The following ARHGEF26 variants were observed in gnomAD, a reference collection of about 807,000 sequenced individuals.
The protein encoded by ARHGEF26 is Rho guanine nucleotide exchange factor 26.
A neutral mutation model predicts 89.4 loss-of-function variants in ARHGEF26; 59 were observed. The ratio of observed to expected loss-of-function variants is 0.66; its 90% CI spans 0.54 to 0.82. ARHGEF26 has a LOEUF of 0.82. Among genes scored for constraint, ARHGEF26 ranks in the 40% least tolerant of loss-of-function variants. ARHGEF26 has a pLI of 0.00. For synonymous variants in ARHGEF26, 500 were observed against 428.4 expected (o/e 1.17, Z -2.06); for missense variants, 1,234 against 1,085.6 (o/e 1.14, Z -1.92).
chr3:154,178,756 A>G (rs556888096), intron 6 of ARHGEF26, among the ~76,000 whole-genome samples: 1 of 152,234 alleles, frequency 6.6e-6, no homozygotes, highest in African/African-American at 2.4e-5. Flanking sequence ...GTGGAATTGA[A>G]GGGTCATATG....
intron 9 of ARHGEF26, among the ~76,000 whole-genome samples, chr3:154,197,369 G>A (rs1440201494): frequency 6.6e-6 from 1 of 152,196 alleles, no homozygotes; most frequent in East Asian, 1.9e-4. Flanking sequence ...AGCAGAAAGA[G>A]TATGCATAGA....
chr3:154,218,058 A>C, intron 10 of ARHGEF26, 100 bp downstream of exon 10: 1 of 1,103,418 alleles, frequency 9.1e-7, no homozygotes, highest in Non-Finnish European at 1.3e-6. Flanking sequence ...TTGCTTTTCA[A>C]AGAAGGGTCA....
chr3:154,229,864 T>C (rs1439080387), intron 11 of ARHGEF26, among the ~76,000 whole-genome samples: 4 of 152,188 alleles, frequency 2.6e-5, no homozygotes, highest in African/African-American at 7.2e-5. Context: ...AATAGTAATA[T>C]TGTATTATAA....
intron 9 of ARHGEF26, among the ~76,000 whole-genome samples, chr3:154,204,062 G>T (rs190572151): frequency 3.6e-4 from 54 of 152,080 alleles, no homozygotes; most frequent in Admixed American, 1.6e-3. Flanking sequence ...GAATAGGTGG[G>T]GTAGGGTTGG....
At position 154,217,934 on chromosome 3, in the gene ARHGEF26, C is replaced by T. The variant is rs757760241; in HGVS notation, c.1911C>T (p.Asn637=). The T allele has an allele frequency of 1.9e-6, 3 of 1,596,820 alleles. No individual in the cohort carries two copies. In the East Asian group the frequency reaches 6.7e-5, roughly 36 times the overall value. ...GGACTGAGATGATGTACACAATTAACTCCCAGCTGGAATTTAAAATTAAGG... is the reference window on the plus strand; with the variant it reads ...GGACTGAGATGATGTACACAATTAATTCCCAGCTGGAATTTAAAATTAAGG... ...MERTEMMYTI[N]SQLEFKIKPF... Residue 637 remains asparagine, a synonymous_variant, in exon 10 of 15, where the codon AAC becomes AAT. Coordinates refer to ENST00000465093, the MANE Select transcript of ARHGEF26 (RefSeq NM_015595.4).
intron 6 of ARHGEF26, among the ~76,000 whole-genome samples, chr3:154,183,872 G>T (rs1470126708): frequency 6.6e-6 from 1 of 152,090 alleles, no homozygotes; most frequent in African/African-American, 2.4e-5. Flanking sequence ...CTTCAGGCTG[G>T]TAACAGTGTA....
chr3:154,250,290 G>C (rs985202536), intron 12 of ARHGEF26, among the ~76,000 whole-genome samples: 1 of 152,146 alleles, frequency 6.6e-6, no homozygotes, highest in Non-Finnish European at 1.5e-5. Context: ...GCCTCCAAAA[G>C]TGCTGGGATT....
At chr3:154,124,614 G>A (rs1276273344) in intron 3 of ARHGEF26, among the ~76,000 whole-genome samples, 165 bp downstream of exon 3, 3 of 152,020 alleles carry the variant, frequency 2.0e-5, no homozygotes, top group Non-Finnish European at 2.9e-5. Flanking sequence ...TTTTTATCTA[G>A]TAATACTAAT....
At chr3:154,133,662 T>C (rs1718821353) in intron 4 of ARHGEF26, among the ~76,000 whole-genome samples, 1 of 152,084 alleles carries the variant, frequency 6.6e-6, no homozygotes, top group East Asian at 1.9e-4. Context: ...GGCTTTATTC[T>C]TTTGCTTAGG....
intron 6 of ARHGEF26, among the ~76,000 whole-genome samples, chr3:154,155,008 AT>A (rs761326795): frequency 2.0e-5 from 3 of 152,034 alleles, no homozygotes; most frequent in Non-Finnish European, 2.9e-5. Context: ...CTTCAAAGAA[AT>A]TGTACCATTT....
At chr3:154,244,206 T>G (rs1717652112) in intron 12 of ARHGEF26, among the ~76,000 whole-genome samples, 1 of 152,214 alleles carries the variant, frequency 6.6e-6, no homozygotes, top group South Asian at 2.1e-4. Flanking sequence ...AATCTTTACT[T>G]TCTTTGAAAA....
At chr3:154,124,373 T>TTTTTTTTTTTTTTTTTTTTTC in intron 2 of ARHGEF26, 37 bp from the exon 3 acceptor site, 1 of 171,842 alleles carries the variant, frequency 5.8e-6, no homozygotes, top group Non-Finnish European at 9.6e-6. Context: ...TTGCTTTTCC[T>TTTTTTTTTTTTTTTTTTTTTC]TTTTTTTTTT....
In ARHGEF26 at chr3:154,255,914, T is replaced by C. The variant is rs1240492612; in HGVS notation, c.*441T>C. On this transcript the variant is annotated 3_prime_UTR_variant, in exon 15 of 15. Coordinates refer to ENST00000465093, the MANE Select transcript of ARHGEF26 (RefSeq NM_015595.4). ...TGTAAAGAATGTCCAGTTTTGTAAA[T>C]ATTTCCCTGCCTTTTTTTTTCTTTT... 44 of 988,404 alleles carry C rather than the reference T, an allele frequency of 4.5e-5. No individual in the cohort carries two copies. Among genetic ancestry groups the C allele is most frequent in the Non-Finnish European group, 5.0e-5 (42 of 831,900 alleles). The allele number at this position is 988,404 out of a possible 1,614,324, so 61.2% of individuals were successfully genotyped here. A position where few individuals can be genotyped will look rare whatever the true frequency, so the allele number is the denominator to read the frequency against.
In ARHGEF26 at chr3:154,129,688, C is replaced by CATTGAA. The variant is rs768144199; in HGVS notation, c.1243_1244insAATTGA (p.Leu414_Arg415insLysLeu). 3 of 1,612,386 alleles carry CATTGAA rather than the reference C, an allele frequency of 1.9e-6. No homozygotes were observed. Among genetic ancestry groups the CATTGAA allele is most frequent in the Non-Finnish European group, 1.7e-6 (2 of 1,179,256 alleles). ...GAAAAAATTGTGATTCACCATAAGC[C>CATTGAA]ATTGAGATCCACATGGAGCCAACTC... is the stretch of plus-strand genomic sequence containing the variant. On this transcript the variant is annotated inframe_insertion, in exon 4 of 15. Transcript: ENST00000465093.
At chr3:154,140,950 C>G (rs996272884) in intron 4 of ARHGEF26, among the ~76,000 whole-genome samples, 1 of 141,950 alleles carries the variant, frequency 7.0e-6, no homozygotes, top group Middle Eastern at 3.6e-3. Flanking sequence ...CCTCAAGTCA[C>G]TCTTTCAGCT....
At chr3:154,178,152 T>C (rs1370376840) in intron 6 of ARHGEF26, among the ~76,000 whole-genome samples, 1 of 152,010 alleles carries the variant, frequency 6.6e-6, no homozygotes, top group Non-Finnish European at 1.5e-5. Flanking sequence ...TGCAGTGAGC[T>C]GAGACCATGC....
chr3:154,191,490 T>C, intron 8 of ARHGEF26, 72 bp downstream of exon 8: 1 of 1,513,398 alleles, frequency 6.6e-7, no homozygotes, highest in East Asian at 2.3e-5. Flanking sequence ...AAAATTATTA[T>C]TATTCCACTT....
chr3:154,228,344 T>A (rs1445092806), intron 11 of ARHGEF26, among the ~76,000 whole-genome samples: 1 of 151,910 alleles, frequency 6.6e-6, no homozygotes, highest in Non-Finnish European at 1.5e-5. Context: ...TCCATGTTTG[T>A]CAGGCTGGTC....
chr3:154,200,823 C>T (rs1714581824), intron 9 of ARHGEF26, among the ~76,000 whole-genome samples: 1 of 151,722 alleles, frequency 6.6e-6, no homozygotes, highest in South Asian at 2.1e-4. Flanking sequence ...TTGGTTAATT[C>T]CTAAGTACTT....
Sources: gnomAD v4.1 joint callset for allele counts (sites outside exome capture counted in the v4.1 genomes callset) on GRCh38, gnomAD v4.1.1 for gene constraint, MANE v1.5 for transcripts, NCBI Gene and HGNC (gene_info 2026-07-23, HGNC 2026-07-21) for gene names.